The following ANK1 variants were observed in gnomAD, a reference collection of about 807,000 sequenced individuals.
ANK1 encodes ankyrin-1.
In ANK1, 51 loss-of-function variants were observed where a neutral mutation model predicts 210.4. The observed-to-expected ratio is 0.24, with a 90% CI of 0.19 to 0.31. ANK1 has a LOEUF of 0.31. Among genes scored for constraint, ANK1 ranks in the 10% least tolerant of loss-of-function variants. The pLI, the probability that ANK1 is intolerant of heterozygous loss-of-function variation, is 1.00. For synonymous variants in ANK1, 967 were observed against 1,025.9 expected (o/e 0.94, Z 1.10); for missense variants, 2,051 against 2,504.4 (o/e 0.82, Z 3.86).
At chr8:41,822,112 G>GAGAGAA (rs1804464733) in intron 1 of ANK1, among the ~76,000 whole-genome samples, 1 of 29,394 alleles carries the variant, frequency 3.4e-5, no homozygotes, top group Non-Finnish European at 7.9e-5. Context: ...GAGAGAGAGA[G>GAGAGAA]AGAAAGAAAG....
Position 41,767,366 on chromosome 8 carries a change from C to T in ANK1, c.28-9229G>A, listed in dbSNP as rs559258525. ...CCGCAGGGTCTGGCCCGGACCTGCC[C>T]TGTCGCGCTGCCATCGTCCGGCGCC... is the stretch of plus-strand genomic sequence containing the variant. On this transcript the variant is annotated intron_variant, in intron 1 of 42. Transcript: ENST00000289734. 2.6e-5 allele frequency among the ~76,000 whole-genome samples: 4 copies of T among 151,646 alleles called. No individual in the cohort carries two copies. In the South Asian group the frequency reaches 8.3e-4, roughly 32 times the overall value.
chr8:41,703,446 ATATATTT>A (rs1388192762), intron 20 of ANK1, among the ~76,000 whole-genome samples: 7 of 61,578 alleles, frequency 1.1e-4, no homozygotes, highest in East Asian at 4.8e-4. Context: ...ATATATATAT[ATATATTT>A]TTTTTTTTTT....
intron 37 of ANK1, among the ~76,000 whole-genome samples, chr8:41,675,657 CAT>C (rs1297911389): frequency 1.3e-5 from 2 of 152,086 alleles, no homozygotes; most frequent in African/African-American, 2.4e-5. Context: ...CGTTGTGACA[CAT>C]GTGTACCCCC....
At chr8:41,880,139 T>C (rs1817325923) in intron 1 of ANK1, among the ~76,000 whole-genome samples, 1 of 152,144 alleles carries the variant, frequency 6.6e-6, no homozygotes. Flanking sequence ...AGAAAAACAT[T>C]TTGTAATGCA....
At chr8:41,874,653 C>T (rs1034849218) in intron 1 of ANK1, among the ~76,000 whole-genome samples, 1 of 152,184 alleles carries the variant, frequency 6.6e-6, no homozygotes, top group Non-Finnish European at 1.5e-5. Flanking sequence ...CCTTGTGGCC[C>T]TAGCTGATCT....
At chr8:41,844,521 C>A (rs80163294) in intron 1 of ANK1, among the ~76,000 whole-genome samples, 3,517 of 152,128 alleles carry the variant, frequency 0.023, 115 homozygotes, top group African/African-American at 0.075. Context: ...CACACACCCC[C>A]CACACACACA....
intron 1 of ANK1, among the ~76,000 whole-genome samples, chr8:41,864,466 G>A (rs965754249): frequency 1.1e-4 from 17 of 152,066 alleles, no homozygotes; most frequent in African/African-American, 3.9e-4. Context: ...GAGAGCTGCT[G>A]GCCGCGTGCT....
chr8:41,844,303 T>C (rs1031720491), intron 1 of ANK1, among the ~76,000 whole-genome samples: 7 of 152,046 alleles, frequency 4.6e-5, no homozygotes, highest in African/African-American at 1.7e-4. Context: ...ATAAGGACAG[T>C]CAGAAAAAGC....
intron 1 of ANK1, among the ~76,000 whole-genome samples, chr8:41,819,991 G>A (rs1479633917): frequency 2.0e-5 from 3 of 152,144 alleles, no homozygotes; most frequent in Non-Finnish European, 4.4e-5. Context: ...CACTGATCCC[G>A]CCCTGGGAGT....
chr8:41,827,249 T>C (rs983337358), intron 1 of ANK1, among the ~76,000 whole-genome samples: 3 of 152,246 alleles, frequency 2.0e-5, no homozygotes, highest in Non-Finnish European at 4.4e-5. Context: ...ACCCATCTAA[T>C]GGTAGCAACA....
intron 9 of ANK1, among the ~76,000 whole-genome samples, chr8:41,721,623 C>T (rs1829283889): frequency 6.9e-6 from 1 of 145,340 alleles, no homozygotes; most frequent in Non-Finnish European, 1.5e-5. Context: ...CACTGCTGCA[C>T]TCCAGCCTGG....
chr8:41,757,490 C>A (rs1839429279), intron 2 of ANK1, among the ~76,000 whole-genome samples: 1 of 152,220 alleles, frequency 6.6e-6, no homozygotes, highest in South Asian at 2.1e-4. Context: ...TGTTTCCTCG[C>A]CAGCCCCTTC....
chr8:41,715,521 G>A (rs939465567), intron 14 of ANK1, 131 bp downstream of exon 14: 49 of 1,215,198 alleles, frequency 4.0e-5, no homozygotes, highest in Non-Finnish European at 5.5e-5. Flanking sequence ...AGCCCTGAGT[G>A]TGACGACCCT....
At chr8:41,730,125 G>T (rs1831749104) in intron 3 of ANK1, among the ~76,000 whole-genome samples, 1 of 152,212 alleles carries the variant, frequency 6.6e-6, no homozygotes, top group Non-Finnish European at 1.5e-5. Context: ...TTGCCCAGTG[G>T]CTCCTGTCAC....
At chr8:41,767,881 CTA>C (rs1256782252) in intron 1 of ANK1, among the ~76,000 whole-genome samples, 3 of 152,214 alleles carry the variant, frequency 2.0e-5, no homozygotes, top group Non-Finnish European at 4.4e-5. Flanking sequence ...TCAGCAAACT[CTA>C]TTTATGCCCC....
intron 1 of ANK1, among the ~76,000 whole-genome samples, chr8:41,872,014 G>T (rs1373335528): frequency 6.6e-6 from 1 of 152,202 alleles, no homozygotes; most frequent in Non-Finnish European, 1.5e-5. Flanking sequence ...CCCTGGATGA[G>T]TTTATTATTT....
chr8:41,689,202 C>T (rs925473529), intron 33 of ANK1, among the ~76,000 whole-genome samples: 3 of 152,164 alleles, frequency 2.0e-5, no homozygotes, highest in Middle Eastern at 3.2e-3. Context: ...GGCTCCACTG[C>T]AGCCTCAAAC....
intron 2 of ANK1, among the ~76,000 whole-genome samples, chr8:41,740,407 G>A (rs542703392): frequency 3.9e-5 from 6 of 152,036 alleles, no homozygotes; most frequent in South Asian, 4.2e-4. Flanking sequence ...TAGTCTACCC[G>A]TCTCGGCCTC....
intron 17 of ANK1, among the ~76,000 whole-genome samples, chr8:41,706,790 T>C (rs745999821): frequency 1.3e-5 from 2 of 152,158 alleles, no homozygotes; most frequent in Admixed American, 6.5e-5. Context: ...GTGAAGCACA[T>C]TGAGAGGCAC....
Sources: gnomAD v4.1 joint callset for allele counts (sites outside exome capture counted in the v4.1 genomes callset) on GRCh38, gnomAD v4.1.1 for gene constraint, MANE v1.5 for transcripts, NCBI Gene and HGNC (gene_info 2026-07-23, HGNC 2026-07-21) for gene names.